Variants in NTRK3 observed in about 807,000 individuals in gnomAD.
The protein encoded by NTRK3 is NT-3 growth factor receptor.
A neutral mutation model predicts 91.7 loss-of-function variants in NTRK3; 24 were observed. The observed-to-expected ratio is 0.26, with a 90% CI of 0.19 to 0.37. NTRK3 has a LOEUF of 0.37. Ranked by LOEUF, NTRK3 falls within the 10% of genes least tolerant of loss-of-function variation. The pLI is 1.00. For synonymous variants in NTRK3, 483 were observed against 404.0 expected, an observed-to-expected ratio of 1.20 and a Z score of -2.34; for missense variants, 880 against 1,068.9, an observed-to-expected ratio of 0.82 and a Z score of 2.46.
intron 14 of NTRK3, among the ~76,000 whole-genome samples, chr15:88,011,131 A>AT (rs1279252302): frequency 1.3e-5 from 2 of 152,112 alleles, no homozygotes; most frequent in African/African-American, 2.4e-5. Flanking sequence ...CACACAGGCC[A>AT]TCATGACTGG....
intron 14 of NTRK3, among the ~76,000 whole-genome samples, chr15:88,005,915 C>A (rs573761251): frequency 6.6e-6 from 1 of 152,288 alleles, no homozygotes; most frequent in African/African-American, 2.4e-5. Context: ...ATAACCAGAG[C>A]ATAAGAGGTT....
chr15:88,109,978 T>G (rs1289862755), intron 13 of NTRK3, among the ~76,000 whole-genome samples: 1 of 152,150 alleles, frequency 6.6e-6, no homozygotes, highest in Admixed American at 6.5e-5. Context: ...TTCATTTAAT[T>G]CTCATAAAAC....
Position 87,880,141 on chromosome 15 carries a change from C to A in NTRK3, c.2292+129G>T, listed in dbSNP as rs952469485. On this transcript the variant is annotated intron_variant, in intron 18 of 18. Coordinates refer to ENST00000394480, the Ensembl canonical transcript of NTRK3. ...CCTACTAAGAAGCTCTCTGCTCCCA[C>A]TAATGCCTGCATTCACTCTGCTGGC... The A allele has an allele frequency of 2.6e-6, 3 of 1,170,634 alleles. 1 individual carries two copies. In the East Asian group the frequency reaches 7.0e-5, roughly 27 times the overall value. The allele number at this position is 1,170,634 out of a possible 1,614,324, so 72.5% of individuals were successfully genotyped here.
intron 5 of NTRK3, among the ~76,000 whole-genome samples, chr15:88,158,472 A>T (rs1269648550): frequency 6.6e-6 from 1 of 152,182 alleles, no homozygotes; most frequent in Non-Finnish European, 1.5e-5. Context: ...GCAGGGCCTG[A>T]GGTCCAGGGA....
chr15:88,239,220 CG>C (rs1337994596), intron 3 of NTRK3, among the ~76,000 whole-genome samples: 1 of 151,228 alleles, frequency 6.6e-6, no homozygotes, highest in Non-Finnish European at 1.5e-5. Context: ...GGGAAGTGGC[CG>C]GATCACGAGA....
chr15:88,203,109 T>C (rs930345210), intron 3 of NTRK3, among the ~76,000 whole-genome samples: 6 of 152,190 alleles, frequency 3.9e-5, no homozygotes, highest in Non-Finnish European at 7.3e-5. Flanking sequence ...CTCCTAGCAA[T>C]GATGGCGGAC....
chr15:88,215,355 C>T (rs1399782050), intron 3 of NTRK3, among the ~76,000 whole-genome samples: 1 of 152,244 alleles, frequency 6.6e-6, no homozygotes, highest in African/African-American at 2.4e-5. Context: ...CCCCCCACTG[C>T]CCCACCTGGC....
intron 14 of NTRK3, among the ~76,000 whole-genome samples, chr15:87,980,656 G>A (rs1398118195): frequency 1.3e-5 from 2 of 152,146 alleles, no homozygotes; most frequent in Non-Finnish European, 2.9e-5. Context: ...GAATATGATG[G>A]GAAAAACTTG....
At chr15:87,908,151 A>C (rs1463712139) in intron 17 of NTRK3, among the ~76,000 whole-genome samples, 1 of 152,350 alleles carries the variant, frequency 6.6e-6, no homozygotes, top group East Asian at 1.9e-4. Context: ...TCGTCCATGC[A>C]GAGCCTTCAG....
At chr15:88,180,519 A>G (rs550832233) in intron 5 of NTRK3, among the ~76,000 whole-genome samples, 1 of 152,152 alleles carries the variant, frequency 6.6e-6, no homozygotes, top group African/African-American at 2.4e-5. Context: ...TGGCATGAGG[A>G]AGAATTACAC....
chr15:88,177,548 C>T (rs2046110338), intron 5 of NTRK3, among the ~76,000 whole-genome samples: 1 of 152,100 alleles, frequency 6.6e-6, no homozygotes, highest in African/African-American at 2.4e-5. Flanking sequence ...AAGGTTTTGG[C>T]CTGAGCAATT....
intron 14 of NTRK3, among the ~76,000 whole-genome samples, chr15:88,015,916 A>G (rs2077204738): frequency 6.6e-6 from 1 of 151,816 alleles, no homozygotes; most frequent in Non-Finnish European, 1.5e-5. Context: ...GCCACGTATT[A>G]TGTAGCCATT....
At chr15:88,037,761 A>C (rs1344086692) in intron 13 of NTRK3, among the ~76,000 whole-genome samples, 1 of 152,326 alleles carries the variant, frequency 6.6e-6, no homozygotes, top group Non-Finnish European at 1.5e-5. Context: ...AGTTGGAGAA[A>C]TGCTGATGAT....
At chr15:87,922,444 A>G (rs1248819718) in intron 17 of NTRK3, among the ~76,000 whole-genome samples, 1 of 152,204 alleles carries the variant, frequency 6.6e-6, no homozygotes, top group East Asian at 1.9e-4. Context: ...TCATATTGTT[A>G]CAGTCCCTGG....
Position 88,240,125 on chromosome 15 carries a change from C to A in NTRK3, c.248+15781G>T, listed in dbSNP as rs1476941769. 6.6e-6 allele frequency among the ~76,000 whole-genome samples: 1 copy of A among 151,592 alleles called. No individual in the cohort carries two copies. The highest frequency in any genetic ancestry group is 1.5e-5 in the Non-Finnish European group (1 of 67,918). ...TGCAGGAGCACAGCCCCCCTCCCCTCCCCCACAGGATTGCCCCCAGAGAAA... is the reference window on the plus strand; with the variant it reads ...TGCAGGAGCACAGCCCCCCTCCCCTACCCCACAGGATTGCCCCCAGAGAAA... On this transcript the variant is annotated intron_variant, in intron 3 of 18. Coordinates refer to ENST00000394480, the Ensembl canonical transcript of NTRK3. The surrounding 1 kb of genome is among the most constrained non-coding windows in gnomAD (Gnocchi z 4.9).
Position 88,126,255 on chromosome 15 carries a change from G to C in NTRK3, c.1396+16C>G, listed in dbSNP as rs2151104981. On this transcript the variant is annotated intron_variant, in intron 13 of 18. Transcript: ENST00000394480. ...TTCCCCCCATGACGCCCTTGAAAAT[G>C]AAACTCCCACCTTACCCTTCATTCC... is the stretch of plus-strand genomic sequence containing the variant. 2 of 1,574,252 alleles carry C rather than the reference G, an allele frequency of 1.3e-6. No homozygotes were observed. The highest frequency in any genetic ancestry group is 4.5e-5 in the East Asian group (2 of 44,660).
rs34147113 is a variant in NTRK3, at chr15:87,889,945, CATTT to C, written c.2134-9521_2134-9518del. Among the ~76,000 whole-genome samples the C allele has an allele frequency of 4.6e-3, 641 of 139,250 alleles. 6 individuals are homozygous for C. The highest frequency in any genetic ancestry group is 0.012 in the African/African-American group (445 of 37,034). The allele number at this position is 139,250 out of a possible 152,430, so 91.4% of individuals were successfully genotyped here. ...TCCCCTACCTTCTGCCCCAACTTTC[CATTT>C]ATTTATTTATTTATTTATTTATTTA... On this transcript the variant is annotated intron_variant, in intron 17 of 18. Transcript: ENST00000394480.
chr15:87,981,587 G>C (rs1279056782), intron 14 of NTRK3, among the ~76,000 whole-genome samples: 6 of 152,174 alleles, frequency 3.9e-5, no homozygotes, highest in Non-Finnish European at 8.8e-5. Context: ...GCACAAGTTA[G>C]AGTCAGAGAA....
rs1201638214 is a variant in NTRK3, at chr15:88,234,047, A to C, written c.248+21859T>G. Among the ~76,000 whole-genome samples the C allele has an allele frequency of 1.3e-5, 2 of 152,148 alleles. No homozygotes were observed. Among genetic ancestry groups the C allele is most frequent in the African/African-American group, 4.8e-5 (2 of 41,438 alleles). ...TCCCTTTCTGCCACCATGCACCTCG[A>C]TGCCTCTCGGGTGGGACCAAGCCTT... On this transcript the variant is annotated intron_variant, in intron 3 of 18. Transcript: ENST00000394480. The surrounding 1 kb of genome is among the most constrained non-coding windows in gnomAD (Gnocchi z 6.1).
Sources: gnomAD v4.1 joint callset for allele counts (sites outside exome capture counted in the v4.1 genomes callset) on GRCh38, gnomAD v4.1.1 for gene constraint, Gnocchi (gnomAD v3.1) non-coding constraint, MANE v1.5 for transcripts, NCBI Gene and HGNC (gene_info 2026-07-23, HGNC 2026-07-21) for gene names.